The following GLRA2 variants were observed in gnomAD, a reference collection of about 807,000 sequenced individuals.
The protein encoded by GLRA2 is glycine receptor subunit alpha-2.
Under a neutral mutation model 31.6 loss-of-function variants are expected in GLRA2, and 11 were observed. That is an observed-to-expected ratio of 0.35 (90% CI 0.22 to 0.58). The LOEUF (loss-of-function observed/expected upper bound fraction) is 0.58, where lower values mean the gene tolerates loss of function less well. Ranked by LOEUF, GLRA2 falls within the 20% of genes least tolerant of loss-of-function variation. GLRA2 has a pLI of 0.84. For missense variants in GLRA2, 212 were observed against 351.8 expected, an observed-to-expected ratio of 0.60 and a Z score of 3.18; for synonymous variants, 132 against 134.0, an observed-to-expected ratio of 0.99 and a Z score of 0.10.
intron 7 of GLRA2, among the ~76,000 whole-genome samples, chrX:14,661,492 G>GA (rs111431353): frequency 3.6e-4 from 39 of 109,656 alleles, no homozygotes; most frequent in African/African-American, 8.9e-4. Flanking sequence ...ATCCATCTGA[G>GA]AAAAAAAAAT....
At chrX:14,593,198 T>C (rs2090162909) in intron 4 of GLRA2, among the ~76,000 whole-genome samples, 1 of 112,220 alleles carries the variant, frequency 8.9e-6, no homozygotes, top group Non-Finnish European at 1.9e-5. Context: ...GGTACTTTAT[T>C]TTAAAATGGA....
chrX:14,493,697 A>G, the GLRA2 span, among the ~76,000 whole-genome samples: 30 of 95,832 alleles, frequency 3.1e-4, 1 homozygote, highest in African/African-American at 1.3e-3. Context: ...ATACACGTAT[A>G]TATGTATACA....
At chrX:14,510,358 C>T in the GLRA2 span, among the ~76,000 whole-genome samples, 1 of 111,819 alleles carries the variant, frequency 8.9e-6, no homozygotes, top group South Asian at 3.8e-4. Context: ...CCCAATTTGT[C>T]TTTCCTTCTC....
chrX:14,534,124 G>C (rs746284419), intron 2 of GLRA2, among the ~76,000 whole-genome samples: 1 of 110,364 alleles, frequency 9.1e-6, no homozygotes, highest in Non-Finnish European at 1.9e-5. Flanking sequence ...TGGTTCTTCC[G>C]GGGATATCAC....
intron 8 of GLRA2, among the ~76,000 whole-genome samples, chrX:14,702,764 A>G (rs953362598): frequency 1.8e-5 from 2 of 111,792 alleles, no homozygotes; most frequent in Admixed American, 1.9e-4. Context: ...ATATCAAAGA[A>G]AAAGATATGA....
the GLRA2 span, among the ~76,000 whole-genome samples, chrX:14,516,196 C>T: frequency 9.0e-6 from 1 of 110,854 alleles, no homozygotes; most frequent in East Asian, 2.8e-4. Context: ...TTGGCTCTAG[C>T]GTTTCTCTAT....
chrX:14,688,183 C>T (rs1569522134), intron 7 of GLRA2, among the ~76,000 whole-genome samples: 1 of 110,971 alleles, frequency 9.0e-6, no homozygotes, highest in Non-Finnish European at 1.9e-5. Flanking sequence ...GAGGGGTACC[C>T]GGCCATGTGA....
intron 8 of GLRA2, among the ~76,000 whole-genome samples, chrX:14,728,547 A>C (rs146129843): frequency 2.7e-5 from 3 of 112,173 alleles, no homozygotes; most frequent in Non-Finnish European, 5.6e-5. Flanking sequence ...ATGACATGGA[A>C]TATTTGGCAA....
upstream of GLRA2, among the ~76,000 whole-genome samples, chrX:14,525,433 A>G (rs753214186): frequency 8.9e-6 from 1 of 112,144 alleles, no homozygotes; most frequent in East Asian, 2.8e-4. Context: ...AACAGTAAGT[A>G]GATGAGATTA....
intron 8 of GLRA2, among the ~76,000 whole-genome samples, chrX:14,714,652 T>A (rs1157899401): frequency 8.9e-6 from 1 of 111,993 alleles, no homozygotes. Flanking sequence ...AAGTCTGTCA[T>A]GAATAAGAGG....
chrX:14,685,027 G>C (rs1007159889), intron 7 of GLRA2, among the ~76,000 whole-genome samples: 11 of 111,345 alleles, frequency 9.9e-5, no homozygotes, highest in East Asian at 2.8e-4. Flanking sequence ...TAGCATGAAG[G>C]GTTGTTGAAT....
intron 8 of GLRA2, among the ~76,000 whole-genome samples, chrX:14,711,230 A>G (rs919119510): frequency 4.6e-4 from 52 of 112,115 alleles, no homozygotes; most frequent in African/African-American, 1.7e-3. Context: ...AACATTCACC[A>G]CCCTGGGAGG....
At chrX:14,550,330 C>T (rs1218929655) in intron 2 of GLRA2, among the ~76,000 whole-genome samples, 2 of 106,518 alleles carry the variant, frequency 1.9e-5, no homozygotes, top group East Asian at 3.0e-4. Flanking sequence ...ACTGAAAGTA[C>T]GAGTGAGATA....
chrX:14,719,159 T>C (rs1007209825), intron 8 of GLRA2, among the ~76,000 whole-genome samples: 1 of 111,913 alleles, frequency 8.9e-6, no homozygotes, highest in African/African-American at 3.3e-5. Flanking sequence ...TTTTTTGTTA[T>C]TGGTGTTTTA....
chrX:14,513,955 A>T, the GLRA2 span, among the ~76,000 whole-genome samples: 1 of 112,053 alleles, frequency 8.9e-6, no homozygotes, highest in Non-Finnish European at 1.9e-5. Context: ...TACAAAAAGG[A>T]TACTTGCCCA....
the GLRA2 span, among the ~76,000 whole-genome samples, chrX:14,493,335 A>G: frequency 1.8e-5 from 2 of 109,622 alleles, no homozygotes; most frequent in African/African-American, 6.6e-5. Context: ...CCATAATAAA[A>G]AAGGAATGAA....
At chrX:14,518,961 G>C in the GLRA2 span, among the ~76,000 whole-genome samples, 1 of 96,815 alleles carries the variant, frequency 1.0e-5, no homozygotes, top group South Asian at 5.2e-4. Flanking sequence ...GAAGTGAGTC[G>C]AGATTGCGCC....
intron 7 of GLRA2, among the ~76,000 whole-genome samples, chrX:14,670,324 A>G (rs1318336499): frequency 1.8e-5 from 2 of 110,934 alleles, no homozygotes; most frequent in Non-Finnish European, 3.8e-5. Context: ...AACTGTTCCA[A>G]CCTCTGCCTG....
chrX:14,700,251 T>C (rs2091519540), intron 8 of GLRA2, among the ~76,000 whole-genome samples: 1 of 110,638 alleles, frequency 9.0e-6, no homozygotes, highest in African/African-American at 3.3e-5. Context: ...TGGATAAGAT[T>C]ACCCAGCAGG....
Sources: gnomAD v4.1 joint callset for allele counts (sites outside exome capture counted in the v4.1 genomes callset) on GRCh38, gnomAD v4.1.1 for gene constraint, MANE v1.5 for transcripts, NCBI Gene and HGNC (gene_info 2026-07-23, HGNC 2026-07-21) for gene names.